Variants in NFAT5 observed in about 807,000 individuals in gnomAD.
NFAT5 encodes the protein nuclear factor of activated T-cells 5.
In NFAT5, 31 loss-of-function variants were observed where a neutral mutation model predicts 166.5. That is an observed-to-expected ratio of 0.19 (90% CI 0.14 to 0.25). NFAT5 has a LOEUF of 0.25. NFAT5 is among the 10% of genes least tolerant of loss of function. The pLI is 1.00. For synonymous variants in NFAT5, 612 were observed against 639.7 expected, an observed-to-expected ratio of 0.96 and a Z score of 0.65; for missense variants, 1,449 against 1,821.8, an observed-to-expected ratio of 0.80 and a Z score of 3.72.
At chr16:69,625,592 A>G (rs1173656277) in intron 2 of NFAT5, among the ~76,000 whole-genome samples, 2 of 151,656 alleles carry the variant, frequency 1.3e-5, no homozygotes, top group Non-Finnish European at 2.9e-5. Context: ...ATTTATTTTA[A>G]TAATTGGGAA....
intron 4 of NFAT5, among the ~76,000 whole-genome samples, chr16:69,652,519 G>A (rs1377287757): frequency 6.6e-6 from 1 of 151,078 alleles, no homozygotes; most frequent in Admixed American, 6.6e-5. Context: ...TTTTTATTGA[G>A]GGCTTTAATT....
intron 4 of NFAT5, among the ~76,000 whole-genome samples, chr16:69,651,438 A>G (rs148009611): frequency 9.2e-5 from 14 of 152,212 alleles, no homozygotes; most frequent in African/African-American, 3.4e-4. Context: ...GTTCTTGATG[A>G]TTAAGGCAAC....
intron 2 of NFAT5, among the ~76,000 whole-genome samples, chr16:69,592,183 A>T (rs1323868577): frequency 6.7e-6 from 1 of 149,646 alleles, no homozygotes; most frequent in Admixed American, 6.7e-5. Context: ...GAGTTCAAGC[A>T]ATTTTCCTGC....
chr16:69,590,067 A>G (rs1355133478), intron 2 of NFAT5, among the ~76,000 whole-genome samples: 1 of 152,208 alleles, frequency 6.6e-6, no homozygotes, highest in Non-Finnish European at 1.5e-5. Flanking sequence ...TTAGCTACTT[A>G]GGAGACTGAT....
intron 2 of NFAT5, among the ~76,000 whole-genome samples, chr16:69,612,588 A>G (rs1369305269): frequency 1.3e-5 from 2 of 152,114 alleles, no homozygotes; most frequent in Non-Finnish European, 2.9e-5. Flanking sequence ...GTTCATGCCT[A>G]TAATCCCAGC....
intron 6 of NFAT5, 117 bp from the exon 7 acceptor site, chr16:69,659,610 A>G (rs201818199): frequency 1.4e-6 from 1 of 713,152 alleles, no homozygotes; most frequent in East Asian, 3.1e-5. Flanking sequence ...TTGTAACTTT[A>G]TTACATATTC....
chr16:69,584,612 G>T (rs1201372283), intron 2 of NFAT5, among the ~76,000 whole-genome samples: 3 of 151,468 alleles, frequency 2.0e-5, no homozygotes, highest in African/African-American at 7.3e-5. Flanking sequence ...TATATAGCAA[G>T]ACACCATCTC....
At chr16:69,619,873 T>A (rs542726445) in intron 2 of NFAT5, among the ~76,000 whole-genome samples, 29 of 152,204 alleles carry the variant, frequency 1.9e-4, no homozygotes, top group Non-Finnish European at 3.4e-4. Context: ...AATTTTTTTC[T>A]TCTCTCTCAC....
chr16:69,682,090 G>A (rs1317475490), intron 10 of NFAT5, among the ~76,000 whole-genome samples: 1 of 151,812 alleles, frequency 6.6e-6, no homozygotes, highest in African/African-American at 2.4e-5. Flanking sequence ...AAATCAAAAT[G>A]TGTATTCTCT....
intron 2 of NFAT5, among the ~76,000 whole-genome samples, chr16:69,621,474 C>G (rs901629617): frequency 1.3e-5 from 2 of 152,076 alleles, no homozygotes; most frequent in East Asian, 3.8e-4. Flanking sequence ...CTTTTGTTTT[C>G]TAAGGAAGTC....
intron 2 of NFAT5, among the ~76,000 whole-genome samples, chr16:69,600,613 C>T (rs939696117): frequency 2.6e-5 from 4 of 151,644 alleles, no homozygotes; most frequent in Non-Finnish European, 5.9e-5. Context: ...TAATTTTTAC[C>T]TGGGAAAGGA....
In NFAT5 at chr16:69,566,208, C is replaced by T; in HGVS notation, c.-94C>T. ...GGCAGCCGCCCTCGCGTCGCCGCCC[C>T]CGGTTCGGTGCCCGCGGTCCCGGAG... On this transcript the variant is annotated 5_prime_UTR_variant, in exon 1 of 15. Transcript: ENST00000349945. The surrounding 1 kb of genome is among the most constrained non-coding windows in gnomAD (Gnocchi z 5.7). The T allele has an allele frequency of 1.0e-5, 12 of 1,192,348 alleles. No homozygotes were observed. Among genetic ancestry groups the T allele is most frequent in the Non-Finnish European group, 1.3e-5 (11 of 838,384 alleles). The allele number at this position is 1,192,348 out of a possible 1,614,324, so 73.9% of individuals were successfully genotyped here.
chr16:69,666,157 A>C (rs1369247913), intron 7 of NFAT5, among the ~76,000 whole-genome samples: 1 of 115,746 alleles, frequency 8.6e-6, no homozygotes, highest in Non-Finnish European at 1.8e-5. Context: ...TACACCTTAT[A>C]CAAAAATCAA....
At chr16:69,689,783 G>A (rs2037476960) in intron 11 of NFAT5, among the ~76,000 whole-genome samples, 1 of 152,160 alleles carries the variant, frequency 6.6e-6, no homozygotes, top group Non-Finnish European at 1.5e-5. Context: ...GGCCTCAAGT[G>A]AGCCACCTGC....
chr16:69,656,851 T>C (rs1407996469), intron 6 of NFAT5, among the ~76,000 whole-genome samples: 1 of 152,242 alleles, frequency 6.6e-6, no homozygotes, highest in Non-Finnish European at 1.5e-5. Flanking sequence ...TTTTCCTCTG[T>C]TTAAAAAATA....
rs1460607403 is a variant in NFAT5, at chr16:69,568,473, TA to T, written c.74-20del. On this transcript the variant is annotated intron_variant, in intron 1 of 14. Coordinates refer to ENST00000349945, the MANE Select transcript of NFAT5 (RefSeq NM_138713.4). ...TTCCTCATTCAGCATAAAAAGTACC[TA>T]ATGCTTTTTGTGTTTTTCAGATTCT... 3 of 1,608,186 alleles carry T rather than the reference TA, an allele frequency of 1.9e-6. No homozygotes were observed. The African/African-American group carries it at 4.0e-5, about 21-fold the overall frequency.
At chr16:69,593,755 G>GT (rs1410790305) in intron 2 of NFAT5, among the ~76,000 whole-genome samples, 1 of 152,130 alleles carries the variant, frequency 6.6e-6, no homozygotes, top group Non-Finnish European at 1.5e-5. Flanking sequence ...TAATTTTTGA[G>GT]TTTATTATTG....
intron 2 of NFAT5, among the ~76,000 whole-genome samples, chr16:69,583,304 A>C (rs996510289): frequency 6.6e-6 from 1 of 151,922 alleles, no homozygotes; most frequent in South Asian, 2.1e-4. Context: ...GGCTAAAGCA[A>C]TCCTCCTGCC....
At chr16:69,588,585 G>C (rs2032250284) in intron 2 of NFAT5, among the ~76,000 whole-genome samples, 1 of 152,132 alleles carries the variant, frequency 6.6e-6, no homozygotes, top group South Asian at 2.1e-4. Context: ...CTATTTTTCT[G>C]TACTAGAAAG....
Sources: gnomAD v4.1 joint callset for allele counts (sites outside exome capture counted in the v4.1 genomes callset) on GRCh38, gnomAD v4.1.1 for gene constraint, Gnocchi (gnomAD v3.1) non-coding constraint, MANE v1.5 for transcripts, NCBI Gene and HGNC (gene_info 2026-07-23, HGNC 2026-07-21) for gene names.